The following RNGTT variants were observed in gnomAD, a reference collection of about 807,000 sequenced individuals.
RNGTT encodes the protein mRNA-capping enzyme.
RNGTT carries 33 observed loss-of-function variants against 79.3 expected under a neutral mutation model. The ratio of observed to expected loss-of-function variants is 0.42; its 90% CI spans 0.32 to 0.56. RNGTT has a LOEUF of 0.56. Ranked by LOEUF, RNGTT falls within the 20% of genes least tolerant of loss-of-function variation. RNGTT has a pLI of 0.17. For missense variants in RNGTT, 497 were observed against 739.1 expected (o/e 0.67, Z 3.80); for synonymous variants, 222 against 235.9 (o/e 0.94, Z 0.54).
At chr6:88,620,612 T>C (rs987415669) in intron 14 of RNGTT, among the ~76,000 whole-genome samples, 1 of 152,200 alleles carries the variant, frequency 6.6e-6, no homozygotes, top group Non-Finnish European at 1.5e-5. Context: ...TGGTTTTTAA[T>C]GTAGAGGTAC....
intron 4 of RNGTT, among the ~76,000 whole-genome samples, chr6:88,916,159 T>G (rs746590414): frequency 6.6e-6 from 1 of 152,174 alleles, no homozygotes; most frequent in Admixed American, 6.5e-5. Context: ...ATACTGTGGT[T>G]TTACCAGTAT....
At chr6:88,784,876 T>C (rs1464219514) in intron 12 of RNGTT, among the ~76,000 whole-genome samples, 3 of 152,108 alleles carry the variant, frequency 2.0e-5, no homozygotes, top group Non-Finnish European at 4.4e-5. Context: ...TAATATGCTA[T>C]CTTTTTAAAA....
At chr6:88,963,323 G>A in intron 1 of RNGTT, 23 bp downstream of exon 1, 3 of 1,611,666 alleles carry the variant, frequency 1.9e-6, no homozygotes, top group Non-Finnish European at 2.5e-6. Flanking sequence ...GTGGGGATTC[G>A]AACGCCCCCC....
intron 13 of RNGTT, among the ~76,000 whole-genome samples, chr6:88,732,191 A>C (rs770180689): frequency 1.3e-5 from 2 of 152,180 alleles, no homozygotes; most frequent in Non-Finnish European, 2.9e-5. Flanking sequence ...AACAGCAATA[A>C]CAAAAAACCT....
At chr6:88,799,109 A>G (rs1446937929) in intron 12 of RNGTT, among the ~76,000 whole-genome samples, 7 of 152,152 alleles carry the variant, frequency 4.6e-5, no homozygotes, top group Admixed American at 2.0e-4. Context: ...AGAAGTTACC[A>G]TAACAATAAT....
rs547643224 is a variant in RNGTT at position 88,808,506 on chromosome 6, A to C, written c.1270-6874T>G. On this transcript the variant is annotated intron_variant, in intron 11 of 15. Transcript: ENST00000369485. ...ATGGGGCAAGCCATGTAGTAAATCA[A>C]GTAGTATGATAGTAGATTTAAACCA... Among the ~76,000 whole-genome samples the C allele has an allele frequency of 3.8e-4, 58 of 152,332 alleles. No homozygotes were observed. In the South Asian group the frequency reaches 0.011, roughly 30 times the overall value.
At chr6:88,910,375 T>G (rs1300762450) in intron 4 of RNGTT, among the ~76,000 whole-genome samples, 1 of 152,054 alleles carries the variant, frequency 6.6e-6, no homozygotes, top group Non-Finnish European at 1.5e-5. Context: ...AACAACAGAC[T>G]AAACCAAGCA....
chr6:88,880,972 A>T (rs774732370), intron 8 of RNGTT, among the ~76,000 whole-genome samples: 107 of 152,298 alleles, frequency 7.0e-4, no homozygotes, highest in Non-Finnish European at 1.2e-3. Context: ...AAGACAGTTC[A>T]ATTCCAACTG....
chr6:88,662,718 C>T (rs1345719652), intron 14 of RNGTT, among the ~76,000 whole-genome samples: 1 of 152,230 alleles, frequency 6.6e-6, no homozygotes, highest in African/African-American at 2.4e-5. Context: ...CAAAGCAGAT[C>T]CTGGGAGCAC....
At chr6:88,705,645 T>A (rs1776105106) in intron 13 of RNGTT, among the ~76,000 whole-genome samples, 1 of 152,132 alleles carries the variant, frequency 6.6e-6, no homozygotes, top group Non-Finnish European at 1.5e-5. Context: ...TGCAAAATTT[T>A]TAAATGCTGT....
Position 88,611,628 on chromosome 6 carries a change from T to C in RNGTT, c.*1091A>G, listed in dbSNP as rs1272117218. The stretch of plus-strand genomic sequence containing the variant: ...ATAGAATGTAGATAGAATTCTCGCT[T>C]TGAAAATAAATGTCTTGATTTCCTT... On this transcript the variant is annotated 3_prime_UTR_variant, in exon 16 of 16. Transcript: ENST00000369485. The C allele has an allele frequency of 1.3e-5, 2 of 152,564 alleles. No homozygotes were observed. Among genetic ancestry groups the C allele is most frequent in the Non-Finnish European group, 2.9e-5 (2 of 68,036 alleles). 9.5% of individuals were successfully genotyped at this position (152,564 alleles called of 1,614,324 possible). A position where few individuals can be genotyped will look rare whatever the true frequency, so the allele number is the denominator to read the frequency against.
At chr6:88,765,367 G>C (rs1047696813) in intron 13 of RNGTT, among the ~76,000 whole-genome samples, 6 of 151,968 alleles carry the variant, frequency 3.9e-5, no homozygotes, top group African/African-American at 1.5e-4. Context: ...CATACATTCT[G>C]CTGAGGTTCA....
rs573163851 is a variant in RNGTT at position 88,690,360 on chromosome 6, T to G, written c.1440-11941A>C. 1.9e-4 allele frequency among the ~76,000 whole-genome samples: 29 copies of G among 152,196 alleles called. No individual in the cohort carries two copies. The South Asian group carries it at 5.2e-3, about 27-fold the overall frequency. ...CCACGTGAAAGATATACAGGAATAC[T>G]CTATGAAATATTTTTGCAACTTTTC... On this transcript the variant is annotated intron_variant, in intron 13 of 15. Coordinates refer to ENST00000369485, the MANE Select transcript of RNGTT (RefSeq NM_003800.5).
rs577634889 is a variant in RNGTT, at chr6:88,786,033, T to C, written c.1338+15531A>G. Among the ~76,000 whole-genome samples, 8 of 152,264 alleles carry C rather than the reference T, an allele frequency of 5.3e-5. No homozygotes were observed. In the South Asian group the frequency reaches 1.7e-3, roughly 32 times the overall value. ...ACTCTAGACTCAATAGAAACAATTATGTTTTACTAACCATAGTAGAGTTAG... is the reference window on the plus strand; with the variant it reads ...ACTCTAGACTCAATAGAAACAATTACGTTTTACTAACCATAGTAGAGTTAG... On this transcript the variant is annotated intron_variant, in intron 12 of 15. Transcript: ENST00000369485.
intron 14 of RNGTT, among the ~76,000 whole-genome samples, chr6:88,667,045 T>C (rs1026899562): frequency 6.6e-6 from 1 of 152,228 alleles, no homozygotes. Context: ...CAGTAATGCA[T>C]TGTAAAGGAC....
At chr6:88,943,556 G>A (rs780825065) in intron 1 of RNGTT, among the ~76,000 whole-genome samples, 5 of 151,138 alleles carry the variant, frequency 3.3e-5, no homozygotes, top group Non-Finnish European at 7.4e-5. Context: ...GATTACATTA[G>A]TGAAAAGGAA....
chr6:88,932,396 C>A (rs1316616234), intron 2 of RNGTT, among the ~76,000 whole-genome samples: 4 of 152,146 alleles, frequency 2.6e-5, no homozygotes, highest in Admixed American at 2.0e-4. Context: ...CTCACCCTGA[C>A]CTTCTGCCTT....
intron 8 of RNGTT, among the ~76,000 whole-genome samples, chr6:88,862,209 G>A (rs952792862): frequency 1.3e-4 from 20 of 152,192 alleles, no homozygotes; most frequent in Admixed American, 9.8e-4. Flanking sequence ...AGGTAGCTTC[G>A]GGATGGGGAC....
At chr6:88,733,024 G>C (rs948038087) in intron 13 of RNGTT, among the ~76,000 whole-genome samples, 5 of 152,162 alleles carry the variant, frequency 3.3e-5, no homozygotes, top group African/African-American at 7.2e-5. Flanking sequence ...TTCACTGCAA[G>C]AGAAATGAAG....
Sources: allele counts gnomAD v4.1 joint callset (sites outside exome capture counted in the v4.1 genomes callset), GRCh38; gene constraint gnomAD v4.1.1; transcripts MANE v1.5; gene names NCBI Gene and HGNC (gene_info 2026-07-23, HGNC 2026-07-21).